Variants in ANO4 observed in about 807,000 individuals in gnomAD.
ANO4 encodes the protein anoctamin-4.
Under a neutral mutation model 141.9 loss-of-function variants are expected in ANO4, and 69 were observed. The observed-to-expected ratio is 0.49, with a 90% CI of 0.40 to 0.59. The LOEUF is 0.59. ANO4 is among the 20% of genes least tolerant of loss of function. The pLI, the probability that ANO4 is intolerant of heterozygous loss-of-function variation, is 0.00. For synonymous variants in ANO4, 350 were observed against 394.3 expected, an observed-to-expected ratio of 0.89 and a Z score of 1.33; for missense variants, 894 against 1,162.2, an observed-to-expected ratio of 0.77 and a Z score of 3.36.
At chr12:100,904,645 A>C (rs554706644) in intron 2 of ANO4, among the ~76,000 whole-genome samples, 36 of 152,226 alleles carry the variant, frequency 2.4e-4, no homozygotes, top group African/African-American at 8.2e-4. Context: ...TGGGGAATCA[A>C]CTCAGTGAGG....
chr12:101,113,428 A>G (rs2050737417), intron 24 of ANO4, among the ~76,000 whole-genome samples: 1 of 152,128 alleles, frequency 6.6e-6, no homozygotes, highest in African/African-American at 2.4e-5. Flanking sequence ...CCTTGTATCA[A>G]TTTTACTGGG....
intron 1 of ANO4, among the ~76,000 whole-genome samples, chr12:100,869,457 T>C (rs147972835): frequency 6.6e-6 from 1 of 152,298 alleles, no homozygotes; most frequent in African/African-American, 2.4e-5. Flanking sequence ...TCTGTCCCCA[T>C]GGGCAAGAAG....
At position 101,111,586 on chromosome 12, in the gene ANO4, G is replaced by A. The variant is rs771399936; in HGVS notation, c.2326G>A (p.Gly776Ser). 20 of 1,608,710 alleles carry A rather than the reference G, an allele frequency of 1.2e-5. No homozygotes were observed. The highest frequency in any genetic ancestry group is 1.5e-5 in the Non-Finnish European group (18 of 1,177,730). Residue 776 changes from glycine (G) to serine (S), a missense_variant, in exon 24 of 28, where the codon GGC becomes AGC. Gly to Ser is a moderately conservative substitution (Grantham distance 56). Around this residue, in one of 2 missense-constraint regions of ANO4, gnomAD observed 637 missense variants for 909.2 expected, o/e 0.70. Coordinates refer to ENST00000392977, the MANE Select transcript of ANO4 (RefSeq NM_001286615.2). ...DIGIWYGILE[G>S]IGILSVITNA... ...AGGAATTTGGTATGGAATTCTTGAA[G>A]GCATTGGAATTCTCTCTGTTATCAC...
chr12:101,074,404 C>T (rs899019603), intron 14 of ANO4, among the ~76,000 whole-genome samples: 1 of 152,162 alleles, frequency 6.6e-6, no homozygotes, highest in East Asian at 1.9e-4. Flanking sequence ...AAAAAGCACC[C>T]CGCAATGTTT....
intron 2 of ANO4, among the ~76,000 whole-genome samples, chr12:100,735,916 C>A (rs2031589510): frequency 6.6e-6 from 1 of 152,226 alleles, no homozygotes; most frequent in Admixed American, 6.5e-5. Flanking sequence ...TCAGTCAAAT[C>A]TTTGGAAGAA....
At chr12:101,068,642 T>C in intron 14 of ANO4, 2 of 1,349,190 alleles carry the variant, frequency 1.5e-6, no homozygotes, top group Non-Finnish European at 2.1e-6. Context: ...GTAGATGACT[T>C]CTTTGAGCAA....
intron 5 of ANO4, among the ~76,000 whole-genome samples, chr12:100,970,828 C>T (rs1357214736): frequency 6.6e-6 from 1 of 152,062 alleles, no homozygotes; most frequent in African/African-American, 2.4e-5. Flanking sequence ...AAGCGATTCT[C>T]CCGCCTCAGC....
At chr12:100,947,467 A>C (rs528255927) in intron 5 of ANO4, among the ~76,000 whole-genome samples, 3 of 152,266 alleles carry the variant, frequency 2.0e-5, no homozygotes, top group South Asian at 2.1e-4. Flanking sequence ...TCTCAGTCCC[A>C]CTCAAATACA....
chr12:101,099,805 AAG>A, intron 22 of ANO4, 85 bp downstream of exon 22: 1 of 1,218,296 alleles, frequency 8.2e-7, no homozygotes, highest in South Asian at 1.9e-5. Flanking sequence ...CGTTATCATC[AAG>A]GTCCTCAGTG....
chr12:100,906,059 G>A (rs1421716135), intron 2 of ANO4, among the ~76,000 whole-genome samples: 1 of 152,154 alleles, frequency 6.6e-6, no homozygotes, highest in Admixed American at 6.5e-5. Flanking sequence ...CATTAAAAGG[G>A]ATTTGAGATT....
chr12:100,909,809 T>G (rs1043917298), intron 2 of ANO4, among the ~76,000 whole-genome samples: 1 of 152,220 alleles, frequency 6.6e-6, no homozygotes, highest in Admixed American at 6.5e-5. Flanking sequence ...TATTACAGCC[T>G]TAGACAAATT....
chr12:100,736,238 A>T (rs2031608214), intron 2 of ANO4, among the ~76,000 whole-genome samples: 1 of 152,030 alleles, frequency 6.6e-6, no homozygotes, highest in Admixed American at 6.6e-5. Flanking sequence ...ATGAAAATGG[A>T]GGGGTAGATA....
At chr12:100,933,427 T>C (rs975084378) in intron 3 of ANO4, among the ~76,000 whole-genome samples, 13 of 152,214 alleles carry the variant, frequency 8.5e-5, no homozygotes, top group African/African-American at 3.1e-4. Context: ...GCTTCATCCA[T>C]GTCCCTGCAA....
chr12:100,910,663 T>C lies in ANO4; in HGVS notation c.55+8823T>C, dbSNP rs143665478. Among the ~76,000 whole-genome samples the C allele has an allele frequency of 1.8e-3, 280 of 152,250 alleles. 3 individuals are homozygous for C. In the South Asian group the frequency reaches 0.048, roughly 26 times the overall value. ...AACTATAAAGCTTAGTGGATATAGA[T>C]CAAATTATCCCAGCTAATGACTATG... On this transcript the variant is annotated intron_variant, in intron 2 of 27. Coordinates refer to ENST00000392977, the MANE Select transcript of ANO4 (RefSeq NM_001286615.2).
intron 3 of ANO4, among the ~76,000 whole-genome samples, chr12:100,787,780 T>C (rs1249621356): frequency 1.3e-5 from 2 of 152,158 alleles, no homozygotes; most frequent in African/African-American, 4.8e-5. Context: ...CCATATAGGA[T>C]TTTGATAAAT....
intron 14 of ANO4, among the ~76,000 whole-genome samples, chr12:101,073,162 G>A (rs551844963): frequency 4.6e-5 from 7 of 152,154 alleles, no homozygotes; most frequent in Non-Finnish European, 7.4e-5. Flanking sequence ...ATTCACAATA[G>A]CAAAGACTTG....
At chr12:101,055,680 A>G (rs550026644) in intron 14 of ANO4, among the ~76,000 whole-genome samples, 1 of 151,872 alleles carries the variant, frequency 6.6e-6, no homozygotes, top group East Asian at 1.9e-4. Context: ...CTTTTTATAT[A>G]GTCTAATTTA....
At chr12:100,723,917 A>G (rs559816632) in intron 1 of ANO4, among the ~76,000 whole-genome samples, 1 of 152,314 alleles carries the variant, frequency 6.6e-6, no homozygotes, top group South Asian at 2.1e-4. Context: ...CACAGTCCAC[A>G]GCTCCCAAGG....
intron 1 of ANO4, among the ~76,000 whole-genome samples, chr12:100,814,667 A>G (rs1343473793): frequency 6.6e-6 from 1 of 152,076 alleles, no homozygotes; most frequent in African/African-American, 2.4e-5. Flanking sequence ...AGGTTCCCCC[A>G]TATCAGTTAC....
Sources: gnomAD v4.1 joint callset for allele counts (sites outside exome capture counted in the v4.1 genomes callset) on GRCh38, gnomAD v4.1.1 for gene constraint, gnomAD v4.1.1 regional missense constraint, MANE v1.5 for transcripts, NCBI Gene and HGNC (gene_info 2026-07-23, HGNC 2026-07-21) for gene names.